The following PRIM1 variants were observed in gnomAD, a reference collection of about 807,000 sequenced individuals.
The protein encoded by PRIM1 is DNA primase subunit 1, also known as DNA primase small subunit.
A neutral mutation model predicts 60.2 loss-of-function variants in PRIM1; 38 were observed. That is an observed-to-expected ratio of 0.63 (90% CI 0.49 to 0.83). The LOEUF is 0.83. Ranked by LOEUF, PRIM1 falls within the 40% of genes least tolerant of loss-of-function variation. The pLI is 0.00. For missense variants in PRIM1, 388 were observed against 506.2 expected, an observed-to-expected ratio of 0.77 and a Z score of 2.24; for synonymous variants, 158 against 160.2, an observed-to-expected ratio of 0.99 and a Z score of 0.10.
chr12:56,737,612 G>A (rs1953842329), intron 11 of PRIM1, among the ~76,000 whole-genome samples: 2 of 152,136 alleles, frequency 1.3e-5, no homozygotes, highest in African/African-American at 4.8e-5. Flanking sequence ...GCCTCCCAAA[G>A]TGCTGGGATT....
chr12:56,746,988 C>T lies in PRIM1; in HGVS notation c.306G>A (p.Gln102=), dbSNP rs1953913159. ...CAATGTCAAATACCAGTTCTTTTTC[C>T]TGAGCCTGGAAAGCTCCCAGCTTCA... The part of the protein sequence containing the change: ...NTVKLGAFQA[Q]EKELVFDIDM... Residue 102 remains glutamine (Q), a synonymous_variant, in exon 3 of 13, where the codon CAG becomes CAA. Transcript: ENST00000338193. The T allele has an allele frequency of 3.1e-6, 5 of 1,613,870 alleles. No individual in the cohort carries two copies. Among genetic ancestry groups the T allele is most frequent in the Non-Finnish European group, 4.2e-6 (5 of 1,179,840 alleles).
chr12:56,748,879 A>G (rs990419115), intron 2 of PRIM1, among the ~76,000 whole-genome samples: 1 of 151,064 alleles, frequency 6.6e-6, no homozygotes, highest in African/African-American at 2.4e-5. Context: ...ATCACTTGAA[A>G]CCGGGAGGCA....
At chr12:56,734,119 G>C (rs1352250106) in intron 12 of PRIM1, 28 bp downstream of exon 12, 3 of 1,468,152 alleles carry the variant, frequency 2.0e-6, no homozygotes, top group East Asian at 2.3e-5. Flanking sequence ...GATCTAACTA[G>C]ATAGAAGGGA....
In PRIM1 at chr12:56,748,920, C is replaced by T. The variant is rs1312033021; in HGVS notation, c.262-1888G>A. On this transcript the variant is annotated intron_variant, in intron 2 of 12. Transcript: ENST00000338193. ...TGCAGTGAGCTGAGACTAGCCACTG[C>T]ACTCCAGCCTGGGCAAGAGAGCTAG... is the stretch of plus-strand genomic sequence containing the variant. 5.9e-5 allele frequency among the ~76,000 whole-genome samples: 9 copies of T among 152,264 alleles called. No homozygotes were observed. In the East Asian group the frequency reaches 1.4e-3, roughly 23 times the overall value.
chr12:56,739,484 T>A, intron 9 of PRIM1, 121 bp from the exon 10 acceptor site: 1 of 545,286 alleles, frequency 1.8e-6, no homozygotes, highest in Middle Eastern at 4.2e-4. Context: ...TAAACTTATC[T>A]GTTAAGAAGA....
chr12:56,749,500 C>G (rs910759763), intron 2 of PRIM1, among the ~76,000 whole-genome samples: 3 of 152,140 alleles, frequency 2.0e-5, no homozygotes, highest in Non-Finnish European at 4.4e-5. Context: ...GAGAGTGGCA[C>G]CCTAACCCTT....
At chr12:56,739,260 A>G (rs1303601262) in intron 10 of PRIM1, 34 bp downstream of exon 10, 7 of 1,416,540 alleles carry the variant, frequency 4.9e-6, no homozygotes, top group Middle Eastern at 1.8e-4. Flanking sequence ...AACAACAATT[A>G]CAAACAAGGA....
chr12:56,750,266 T>G (rs1953936807), intron 2 of PRIM1, among the ~76,000 whole-genome samples: 1 of 152,198 alleles, frequency 6.6e-6, no homozygotes, highest in Non-Finnish European at 1.5e-5. Context: ...GGCAAACTGT[T>G]AGGAGGTTTT....
At chr12:56,748,721 C>T (rs1158125456) in intron 2 of PRIM1, among the ~76,000 whole-genome samples, 1 of 151,406 alleles carries the variant, frequency 6.6e-6, no homozygotes, top group East Asian at 2.0e-4. Context: ...TTTGGGAGGC[C>T]AAGGCGGGTG....
At chr12:56,743,760 T>C (rs1457463353) in intron 6 of PRIM1, 1 of 259,024 alleles carries the variant, frequency 3.9e-6, no homozygotes, top group Admixed American at 5.0e-5. Context: ...AGGGCATGAA[T>C]CCTAAATTTA....
At chr12:56,736,659 A>C (rs1252558156) in intron 11 of PRIM1, among the ~76,000 whole-genome samples, 1 of 151,978 alleles carries the variant, frequency 6.6e-6, no homozygotes, top group Non-Finnish European at 1.5e-5. Flanking sequence ...GTGCACCACC[A>C]TGCCTGGCTA....
chr12:56,747,674 G>C (rs1244804573), intron 2 of PRIM1, among the ~76,000 whole-genome samples: 1 of 152,160 alleles, frequency 6.6e-6, no homozygotes, highest in Admixed American at 6.5e-5. Context: ...GAACCCGGGA[G>C]GTGGAAGTTG....
At chr12:56,735,154 G>A (rs1953817415) in intron 11 of PRIM1, among the ~76,000 whole-genome samples, 1 of 149,948 alleles carries the variant, frequency 6.7e-6, no homozygotes, top group Admixed American at 6.7e-5. Context: ...AGGCTGGTAT[G>A]CAGTGGTGCA....
chr12:56,733,155 T>C (rs1953796186), intron 12 of PRIM1, among the ~76,000 whole-genome samples: 1 of 141,302 alleles, frequency 7.1e-6, no homozygotes, highest in African/African-American at 2.7e-5. Context: ...GTGTCCGGCC[T>C]AGGGTTTTTT....
intron 11 of PRIM1, among the ~76,000 whole-genome samples, chr12:56,734,774 A>ATATT (rs146820667): frequency 0.071 from 9,459 of 132,390 alleles, 381 homozygotes; most frequent in African/African-American, 0.1. Context: ...CAAGTCTTTT[A>ATATT]TATTTATATA....
chr12:56,742,160 G>A (rs1276297147), intron 7 of PRIM1: 1 of 316,112 alleles, frequency 3.2e-6, no homozygotes, highest in East Asian at 8.3e-5. Flanking sequence ...GGCTGAGGCA[G>A]GAAAATTGCT....
At chr12:56,745,702 G>A (rs1393284995) in intron 5 of PRIM1, among the ~76,000 whole-genome samples, 4 of 152,134 alleles carry the variant, frequency 2.6e-5, no homozygotes, top group East Asian at 1.9e-4. Context: ...ACTTTGGGAG[G>A]CTGAGGTGGG....
At chr12:56,751,502 T>A (rs2137871380) in intron 1 of PRIM1, 1 of 174,230 alleles carries the variant, frequency 5.7e-6, no homozygotes, top group African/African-American at 2.4e-5. Flanking sequence ...GCCAGGCTGG[T>A]CTCGAATTCC....
At chr12:56,734,847 T>A (rs1010822367) in intron 11 of PRIM1, among the ~76,000 whole-genome samples, 3 of 147,726 alleles carry the variant, frequency 2.0e-5, no homozygotes, top group Non-Finnish European at 4.5e-5. Flanking sequence ...AGTGTCACTC[T>A]GTTGCCCAGG....
Sources: allele counts gnomAD v4.1 joint callset (sites outside exome capture counted in the v4.1 genomes callset), GRCh38; gene constraint gnomAD v4.1.1; transcripts MANE v1.5; gene names NCBI Gene and HGNC (gene_info 2026-07-23, HGNC 2026-07-21).